Variants in LRRC41 observed in about 807,000 individuals in gnomAD.
LRRC41 encodes the protein leucine-rich repeat-containing protein 41.
In LRRC41, 17 loss-of-function variants were observed where a neutral mutation model predicts 72.1. The observed-to-expected ratio is 0.24, with a 90% CI of 0.16 to 0.35. The LOEUF (loss-of-function observed/expected upper bound fraction) is 0.35. Among genes scored for constraint, LRRC41 ranks in the 10% least tolerant of loss-of-function variants. LRRC41 has a pLI of 1.00. For synonymous variants in LRRC41, 427 were observed against 431.0 expected (o/e 0.99, Z 0.11); for missense variants, 759 against 1,065.0 (o/e 0.71, Z 4.00).
At position 46,286,363 on chromosome 1, in the gene LRRC41, C is replaced by T; in HGVS notation, c.494G>A (p.Arg165Gln). 6.2e-7 allele frequency: 1 copy of T among 1,614,158 alleles called. No homozygotes were observed. The highest frequency in any genetic ancestry group is 2.2e-5 in the East Asian group (1 of 44,880). The change falls in exon 4 of 10, where the codon CGA (arginine) becomes CAA (glutamine). Residue 165 changes from arginine (R) to glutamine (Q), a missense_variant. This residue lies in a region of LRRC41 where 116 missense variants were observed against 250.9 expected (regional missense o/e 0.46). Coordinates refer to ENST00000617190, the MANE Select transcript of LRRC41 (RefSeq NM_006369.5). This position sits in a 1 kb window ranked among gnomAD's most constrained non-coding sequence, Gnocchi z 5.5. ...SPLLHSSRHV[R>Q]QLTICNMLQG... ...CAGCATGTTACAGATGGTGAGCTGT[C>T]GGACATGGCGGGAGCTGTGCAGAAG... is the stretch of plus-strand genomic sequence containing the variant.
At chr1:46,282,404 CCTGTTCATTCATTCAA>C (rs1257747996) in intron 4 of LRRC41, among the ~76,000 whole-genome samples, 6 of 152,216 alleles carry the variant, frequency 3.9e-5, no homozygotes, top group African/African-American at 1.4e-4. Context: ...TATGCAGGCT[CCTGTTCATTCATTCAA>C]CTACCCAGTG....
chr1:46,296,383 C>T (rs1344419547), intron 3 of LRRC41, among the ~76,000 whole-genome samples: 1 of 152,194 alleles, frequency 6.6e-6, no homozygotes, highest in East Asian at 1.9e-4. Context: ...CGCCATTGCA[C>T]TCCGGCGTGG....
Position 46,286,545 on chromosome 1 carries a change from A to C in LRRC41, c.358-46T>G. 1 of 1,526,204 alleles carries C rather than the reference A, an allele frequency of 6.6e-7. No homozygotes were observed. Among genetic ancestry groups the C allele is most frequent in the Non-Finnish European group, 8.8e-7 (1 of 1,136,214 alleles). 94.5% of individuals were successfully genotyped at this position (1,526,204 alleles called of 1,614,324 possible). Reference sequence around the variant, plus strand: ...CAGACAGCCATGATATATCCATGAAACTGTCCAAATTTCCCTCTCTTCCAA... The same window carrying C: ...CAGACAGCCATGATATATCCATGAACCTGTCCAAATTTCCCTCTCTTCCAA... On this transcript the variant is annotated intron_variant, in intron 3 of 9. Transcript: ENST00000617190. The surrounding 1 kb of genome is among the most constrained non-coding windows in gnomAD (Gnocchi z 5.5).
In LRRC41 at chr1:46,285,590, C is replaced by T. The variant is rs1473208981; in HGVS notation, c.1267G>A (p.Glu423Lys). 3.1e-6 allele frequency: 5 copies of T among 1,613,488 alleles called. No individual in the cohort carries two copies. The highest frequency in any genetic ancestry group is 4.5e-5 in the East Asian group (2 of 44,878). ...TCCATCTCTTCGCCATCCTCCTTCT[C>T]GCCAGCCACAATAAAAACGAAGTCA... ...LYDFVFIVAG[E>K]KEDGEEMEIG... The change falls in exon 4 of 10, where the codon GAG (glutamate) becomes AAG (lysine). Residue 423 changes from glutamate (E) to lysine (K), a missense_variant. Transcript: ENST00000617190. This position sits in a 1 kb window ranked among gnomAD's most constrained non-coding sequence, Gnocchi z 5.3.
Position 46,285,522 on chromosome 1 carries a change from G to A in LRRC41, c.1335C>T (p.Pro445=). 6.2e-7 allele frequency: 1 copy of A among 1,614,078 alleles called. No homozygotes were observed. The highest frequency in any genetic ancestry group is 8.5e-7 in the Non-Finnish European group (1 of 1,180,020). The part of the protein sequence containing the change: ...VACGALDGSD[P]SCLGLPALEA... ...CCAGTGCTGGAAGCCCCAGGCAGCT[G>A]GGATCTGATCCATCCAAAGCTCCAC... Residue 445 remains proline, a synonymous_variant, in exon 4 of 10, where the codon CCC becomes CCT. Coordinates refer to ENST00000617190, the MANE Select transcript of LRRC41 (RefSeq NM_006369.5). The surrounding 1 kb of genome is among the most constrained non-coding windows in gnomAD (Gnocchi z 5.3).
At chr1:46,290,615 CT>C (rs549146330) in intron 3 of LRRC41, among the ~76,000 whole-genome samples, 3,078 of 138,712 alleles carry the variant, frequency 0.022, 80 homozygotes, top group African/African-American at 0.067. Flanking sequence ...TTGTTTCTAG[CT>C]TTTTTTTTTT....
chr1:46,279,287 T>A lies in LRRC41; in HGVS notation c.2144-30A>T. 1.2e-6 allele frequency: 2 copies of A among 1,610,848 alleles called. No homozygotes were observed. The highest frequency in any genetic ancestry group is 8.5e-7 in the Non-Finnish European group (1 of 1,177,152). On this transcript the variant is annotated intron_variant, in intron 8 of 9. Transcript: ENST00000617190. The surrounding 1 kb of genome is among the most constrained non-coding windows in gnomAD (Gnocchi z 4.5). Reference sequence around the variant, plus strand: ...AGAGAAGGGGAGAACGCCTATCACCTCCACCCAAGAACAGGGGACAAGGGT... The same window carrying A: ...AGAGAAGGGGAGAACGCCTATCACCACCACCCAAGAACAGGGGACAAGGGT...
At chr1:46,287,776 AAG>A (rs1393033324) in intron 3 of LRRC41, among the ~76,000 whole-genome samples, 3 of 152,214 alleles carry the variant, frequency 2.0e-5, no homozygotes, top group African/African-American at 7.2e-5. Flanking sequence ...ACTCAAGACT[AAG>A]AGGCTGGTAT....
intron 3 of LRRC41, among the ~76,000 whole-genome samples, chr1:46,290,917 T>G (rs1485041693): frequency 4.6e-5 from 1 of 21,640 alleles, no homozygotes; most frequent in Non-Finnish European, 1.5e-4. Context: ...CTGTTTCTAG[T>G]TTTTTTTTTT....
Position 46,280,234 on chromosome 1 carries a change from G to C in LRRC41, c.1978C>G (p.Gln660Glu). 6.2e-7 allele frequency: 1 copy of C among 1,614,114 alleles called. No homozygotes were observed. Among genetic ancestry groups the C allele is most frequent in the Middle Eastern group, 1.6e-4 (1 of 6,062 alleles). Residue 660 changes from glutamine to glutamate, a missense_variant, in exon 7 of 10, where the codon CAG (glutamine) becomes GAG (glutamate). Coordinates refer to ENST00000617190, the MANE Select transcript of LRRC41 (RefSeq NM_006369.5). ...TGTAGCAAAAAGAGCACCTCGCTCT[G>C]ACAGTCAGCGAGATTCATGTCATGG... ...SFHDMNLADC[Q>E]SEVLFLLQNL...
rs373172138 is a variant in LRRC41 at position 46,281,117 on chromosome 1, T to G, written c.1756+8A>C. ...TGCACACACACAAACACACACACAG[T>G]GCTTCACCTGGTATCTCCTCATCGC... On this transcript the variant is annotated splice_region_variant and intron_variant, in intron 5 of 9. Transcript: ENST00000617190. 1.9e-5 allele frequency: 30 copies of G among 1,613,348 alleles called. No individual in the cohort carries two copies. The highest frequency in any genetic ancestry group is 2.7e-5 in the African/African-American group (2 of 74,918).
rs1569671337 is a variant in LRRC41 at position 46,302,144 on chromosome 1, C to A, written c.199+980G>T. ...GCCCCAGGCCGCCCTCCATCCAGGC[C>A]CGGCCCTTTGGTCCCGGCCGCCTTC... On this transcript the variant is annotated intron_variant, in intron 1 of 9. Transcript: ENST00000617190. This position sits in a 1 kb window ranked among gnomAD's most constrained non-coding sequence, Gnocchi z 4.7. The A allele has an allele frequency of 1.2e-5, 12 of 985,334 alleles. No homozygotes were observed. Among genetic ancestry groups the A allele is most frequent in the Non-Finnish European group, 1.4e-5 (12 of 829,872 alleles). 61.0% of individuals were successfully genotyped at this position (985,334 alleles called of 1,614,324 possible).
chr1:46,282,109 G>A (rs965716615), intron 4 of LRRC41, among the ~76,000 whole-genome samples: 1 of 152,044 alleles, frequency 6.6e-6, no homozygotes, highest in Admixed American at 6.6e-5. Context: ...CTAGGAGAGT[G>A]CAAGGCATGA....
intron 3 of LRRC41, among the ~76,000 whole-genome samples, chr1:46,292,896 G>A (rs1661046254): frequency 1.3e-5 from 2 of 152,020 alleles, no homozygotes; most frequent in Non-Finnish European, 2.9e-5. Context: ...TTAATAATTA[G>A]CACTCTCGGC....
Position 46,278,256 on chromosome 1 carries a change from C to T in LRRC41, c.*609G>A. Reference sequence around the variant, plus strand: ...CACCTTCGTCTTCCACCAGCGTTCTCATGAGGAGCAGCGGGGCCTCCGCTG... The same window carrying T: ...CACCTTCGTCTTCCACCAGCGTTCTTATGAGGAGCAGCGGGGCCTCCGCTG... On this transcript the variant is annotated 3_prime_UTR_variant, in exon 10 of 10. Transcript: ENST00000617190. 6.2e-7 allele frequency: 1 copy of T among 1,613,602 alleles called. No individual in the cohort carries two copies. The highest frequency in any genetic ancestry group is 8.5e-7 in the Non-Finnish European group (1 of 1,179,882).
chr1:46,291,886 C>CT (rs2148321599), intron 3 of LRRC41, among the ~76,000 whole-genome samples: 1 of 152,110 alleles, frequency 6.6e-6, no homozygotes, highest in East Asian at 1.9e-4. Flanking sequence ...GAGAGGGTCT[C>CT]TGTCAGCCAG....
In LRRC41 at chr1:46,285,911, C is replaced by T; in HGVS notation, c.946G>A (p.Ala316Thr). 1 of 1,541,444 alleles carries T rather than the reference C, an allele frequency of 6.5e-7. No individual in the cohort carries two copies. The highest frequency in any genetic ancestry group is 8.7e-7 in the Non-Finnish European group (1 of 1,146,548). Residue 316 changes from alanine (A) to threonine (T), a missense_variant, in exon 4 of 10, where the codon GCT becomes ACT. Ala to Thr is a moderately conservative substitution (Grantham distance 58). Transcript: ENST00000617190. The surrounding 1 kb of genome is among the most constrained non-coding windows in gnomAD (Gnocchi z 5.3). ...CGTGTTACCCGAGTGGCAGGTGCAG[C>T]TCTGGGCATCTGCTTGGCTTCACTC... The part of the protein sequence containing the change: ...RKSEAKQMPR[A>T]APATRVTRRS...
At chr1:46,291,552 G>GTTTTTT (rs1219656700) in intron 3 of LRRC41, among the ~76,000 whole-genome samples, 108 of 84,908 alleles carry the variant, frequency 1.3e-3, no homozygotes, top group Non-Finnish European at 1.5e-3. Flanking sequence ...GCCCCAGCTG[G>GTTTTTT]TTTTTTTTTT....
Position 46,285,402 on chromosome 1 carries a change from G to T in LRRC41, c.1455C>A (p.Ser485Arg). 1 of 1,614,174 alleles carries T rather than the reference G, an allele frequency of 6.2e-7. No individual in the cohort carries two copies. Among genetic ancestry groups the T allele is most frequent in the Non-Finnish European group, 8.5e-7 (1 of 1,180,020 alleles). The change falls in exon 4 of 10, where the codon AGC (serine) becomes AGA (arginine). Residue 485 changes from serine (S) to arginine (R), a missense_variant. Transcript: ENST00000617190. This position sits in a 1 kb window ranked among gnomAD's most constrained non-coding sequence, Gnocchi z 5.3. Reference sequence around the variant, plus strand: ...TGAGGCTCTCCAGTGACACCCAGGAGCTCAGCAGGTGGCATAGTGTCAGGG... The same window carrying T: ...TGAGGCTCTCCAGTGACACCCAGGATCTCAGCAGGTGGCATAGTGTCAGGG... ...EAALTLCHLL[S>R]SWVSLESLTL... is the part of the protein sequence containing the mutation.
Sources: allele counts gnomAD v4.1 joint callset (sites outside exome capture counted in the v4.1 genomes callset), GRCh38; gene constraint gnomAD v4.1.1; regional missense constraint gnomAD v4.1.1; non-coding constraint Gnocchi (gnomAD v3.1); transcripts MANE v1.5; gene names NCBI Gene and HGNC (gene_info 2026-07-23, HGNC 2026-07-21).